The following CDYL variants were observed in gnomAD, a reference collection of about 807,000 sequenced individuals.
CDYL encodes chromodomain Y like.
CDYL carries 8 observed loss-of-function variants against 47.3 expected under a neutral mutation model. That is an observed-to-expected ratio of 0.17 (90% CI 0.10 to 0.31). The LOEUF (loss-of-function observed/expected upper bound fraction) is 0.31. Among genes scored for constraint, CDYL ranks in the 10% least tolerant of loss-of-function variants. The probability of loss-of-function intolerance (pLI) is 1.00; values close to 1 mark genes in which losing one functional copy is unlikely to be tolerated. For missense variants in CDYL, 471 were observed against 701.4 expected, an observed-to-expected ratio of 0.67 and a Z score of 3.71; for synonymous variants, 266 against 265.0, an observed-to-expected ratio of 1.00 and a Z score of -0.04.
At chr6:4,860,653 A>G (rs1295309728) in intron 1 of CDYL, among the ~76,000 whole-genome samples, 1 of 147,838 alleles carries the variant, frequency 6.8e-6, no homozygotes, top group Non-Finnish European at 1.5e-5. Flanking sequence ...TATATAAATA[A>G]TATATATAGG....
At chr6:4,842,941 T>C (rs986290013) in intron 1 of CDYL, among the ~76,000 whole-genome samples, 1 of 152,216 alleles carries the variant, frequency 6.6e-6, no homozygotes, top group African/African-American at 2.4e-5. Flanking sequence ...TATCTCCTTT[T>C]AGCAGTTTTT....
At chr6:4,944,671 T>C (rs1380693074) in intron 5 of CDYL, among the ~76,000 whole-genome samples, 3 of 152,136 alleles carry the variant, frequency 2.0e-5, no homozygotes, top group Non-Finnish European at 4.4e-5. Context: ...GGGAGAAACT[T>C]AGAGGAAGAA....
chr6:4,925,025 T>C (rs1757825881), intron 2 of CDYL, among the ~76,000 whole-genome samples: 1 of 152,242 alleles, frequency 6.6e-6, no homozygotes, highest in Admixed American at 6.5e-5. Flanking sequence ...AGCATGTGGC[T>C]ACTGCGAAGC....
At chr6:4,832,605 A>G (rs1241131676) in intron 1 of CDYL, among the ~76,000 whole-genome samples, 2 of 150,778 alleles carry the variant, frequency 1.3e-5, no homozygotes, top group Non-Finnish European at 3.0e-5. Flanking sequence ...TGAGTTAGGG[A>G]GGATTCCCTC....
intron 4 of CDYL, among the ~76,000 whole-genome samples, chr6:4,938,262 G>A (rs1758260981): frequency 6.7e-6 from 1 of 149,788 alleles, no homozygotes. Flanking sequence ...TTAAATACAA[G>A]TAGTGCACAT....
At chr6:4,745,761 T>A (rs1381289609) in intron 3 of CDYL, among the ~76,000 whole-genome samples, 2 of 152,030 alleles carry the variant, frequency 1.3e-5, no homozygotes, top group Non-Finnish European at 2.9e-5. Context: ...GCTGGTCTCA[T>A]GGGGAAGTGA....
chr6:4,919,235 T>G (rs1444945529), intron 2 of CDYL, among the ~76,000 whole-genome samples: 1 of 151,890 alleles, frequency 6.6e-6, no homozygotes, highest in Non-Finnish European at 1.5e-5. Flanking sequence ...GATCCTACAC[T>G]GGGTACATGT....
At chr6:4,780,439 T>C (rs1392662533) in intron 1 of CDYL, among the ~76,000 whole-genome samples, 1 of 91,084 alleles carries the variant, frequency 1.1e-5, no homozygotes, top group African/African-American at 4.0e-5. Flanking sequence ...GGCTAATGTT[T>C]TGTATTTTTA....
intron 1 of CDYL, among the ~76,000 whole-genome samples, chr6:4,848,443 C>G (rs1240757403): frequency 2.6e-5 from 4 of 152,186 alleles, no homozygotes; most frequent in Non-Finnish European, 5.9e-5. Context: ...GTACCTTAAG[C>G]CCGATGTATG....
At chr6:4,951,718 T>C (rs1010118104) in intron 5 of CDYL, among the ~76,000 whole-genome samples, 4 of 152,174 alleles carry the variant, frequency 2.6e-5, no homozygotes, top group African/African-American at 7.2e-5. Flanking sequence ...CATTAGAATA[T>C]TTTTTCTGTA....
At chr6:4,734,380 G>A (rs1757663537) in intron 2 of CDYL, among the ~76,000 whole-genome samples, 1 of 152,130 alleles carries the variant, frequency 6.6e-6, no homozygotes, top group East Asian at 1.9e-4. Context: ...CACAGCCTGG[G>A]GCACATGATG....
intron 6 of CDYL, 44 bp from the exon 7 acceptor site, chr6:4,953,854 G>T: frequency 6.3e-7 from 1 of 1,579,888 alleles, no homozygotes; most frequent in East Asian, 2.3e-5. Context: ...ACCCGTGTCT[G>T]CCCGCATGCA....
intron 3 of CDYL, among the ~76,000 whole-genome samples, chr6:4,746,865 G>A (rs1158536470): frequency 6.6e-6 from 1 of 152,082 alleles, no homozygotes; most frequent in East Asian, 1.9e-4. Flanking sequence ...CACTGGCCAG[G>A]TCTTCTCGCT....
At chr6:4,900,804 T>G (rs1322011071) in intron 2 of CDYL, among the ~76,000 whole-genome samples, 14 of 87,878 alleles carry the variant, frequency 1.6e-4, no homozygotes, top group African/African-American at 6.6e-4. Context: ...TATATATATA[T>G]ATATATATAT....
At chr6:4,910,846 T>TC (rs1346614262) in intron 2 of CDYL, among the ~76,000 whole-genome samples, 1 of 146,500 alleles carries the variant, frequency 6.8e-6, no homozygotes, top group Non-Finnish European at 1.5e-5. Flanking sequence ...TTTTTTTTTT[T>TC]TCCCCAAGAC....
rs1165800867 is a variant in CDYL at position 4,833,462 on chromosome 6, T to C, written c.24+56655T>C. 3.9e-3 allele frequency among the ~76,000 whole-genome samples: 585 copies of C among 151,892 alleles called. 1 individual carries two copies. The highest frequency in any genetic ancestry group is 0.013 in the African/African-American group (544 of 41,218). ...ATAGTTTGTTACAATTTCTGTTCTT[T>C]TACATTTGCTGAGGAGAGCTTTACT... On this transcript the variant is annotated intron_variant, in intron 1 of 6. Coordinates refer to ENST00000397588, the MANE Select transcript of CDYL (RefSeq NM_004824.4).
chr6:4,800,069 C>G (rs116216887), intron 1 of CDYL, among the ~76,000 whole-genome samples: 1,536 of 152,090 alleles, frequency 0.01, 36 homozygotes, highest in African/African-American at 0.035. Flanking sequence ...TCTTTAGAAA[C>G]CAGAATATAG....
At chr6:4,882,421 C>T (rs1263082248) in intron 1 of CDYL, among the ~76,000 whole-genome samples, 1 of 152,166 alleles carries the variant, frequency 6.6e-6, no homozygotes, top group Non-Finnish European at 1.5e-5. Flanking sequence ...CCAAACAATG[C>T]CCTGGTTATT....
chr6:4,869,327 C>A (rs112503783), intron 1 of CDYL, among the ~76,000 whole-genome samples: 4 of 152,068 alleles, frequency 2.6e-5, no homozygotes, highest in African/African-American at 9.7e-5. Flanking sequence ...AACTCCTGAC[C>A]TCAGGTGATC....
Sources: gnomAD v4.1 joint callset for allele counts (sites outside exome capture counted in the v4.1 genomes callset) on GRCh38, gnomAD v4.1.1 for gene constraint, MANE v1.5 for transcripts, NCBI Gene and HGNC (gene_info 2026-07-23, HGNC 2026-07-21) for gene names.